GNB1: variants seen among roughly 807,000 people sequenced by gnomAD.
The protein encoded by GNB1 is guanine nucleotide-binding protein G(I)/G(S)/G(T) subunit beta-1.
GNB1 carries 2 observed loss-of-function variants against 42.9 expected under a neutral mutation model. The observed-to-expected ratio is 0.05, with a 90% CI of 0.02 to 0.15. GNB1 has a LOEUF of 0.15. Among genes scored for constraint, GNB1 ranks in the 10% least tolerant of loss-of-function variants. The probability of loss-of-function intolerance (pLI) is 1.00; values close to 1 mark genes in which losing one functional copy is unlikely to be tolerated. For missense variants in GNB1, 193 were observed against 462.2 expected, an observed-to-expected ratio of 0.42 and a Z score of 5.34; for synonymous variants, 183 against 174.7, an observed-to-expected ratio of 1.05 and a Z score of -0.38.
At position 1,823,938 on chromosome 1, in the gene GNB1, T is replaced by C. The variant is rs114872616; in HGVS notation, c.57+1459A>G. Among the ~76,000 whole-genome samples the C allele has an allele frequency of 8.4e-3, 1,275 of 152,294 alleles. 23 individuals are homozygous for C. Among genetic ancestry groups the C allele is most frequent in the African/African-American group, 0.029 (1,224 of 41,556 alleles). On this transcript the variant is annotated intron_variant, in intron 3 of 11. Coordinates refer to ENST00000378609, the MANE Select transcript of GNB1 (RefSeq NM_002074.5). ...GCAGTGCAGTGGTGCAATCACAGCT[T>C]ACTATACAGCCTCAACCTCCTGGGC...
chr1:1,881,053 G>A (rs1471212944), intron 1 of GNB1, among the ~76,000 whole-genome samples: 1 of 152,104 alleles, frequency 6.6e-6, no homozygotes, highest in Admixed American at 6.6e-5. Context: ...AGTTTTCCAA[G>A]GACAGGGAGG....
At chr1:1,855,971 C>A (rs1481244230) in intron 1 of GNB1, among the ~76,000 whole-genome samples, 2 of 152,238 alleles carry the variant, frequency 1.3e-5, no homozygotes, top group Non-Finnish European at 1.5e-5. Flanking sequence ...CCACTGTGTT[C>A]TCAGGACTCA....
Position 1,885,179 on chromosome 1 carries a change from G to C in GNB1, c.-96+5641C>G, listed in dbSNP as rs184442791. Among the ~76,000 whole-genome samples the C allele has an allele frequency of 1.9e-3, 289 of 151,636 alleles. 11 individuals are homozygous for C. The East Asian group carries it at 0.053, about 28-fold the overall frequency. ...TGTAATCCCAGCACTTTGGGAGGCG[G>C]AGGCGGGCGGATCACTTGAGGTCAG... is the stretch of plus-strand genomic sequence containing the variant. On this transcript the variant is annotated intron_variant, in intron 1 of 11. Coordinates refer to ENST00000378609, the MANE Select transcript of GNB1 (RefSeq NM_002074.5).
chr1:1,827,810 T>C (rs751852710), intron 2 of GNB1, among the ~76,000 whole-genome samples: 1 of 152,196 alleles, frequency 6.6e-6, no homozygotes, highest in Non-Finnish European at 1.5e-5. Context: ...TAGAGAATTG[T>C]TCTTAGTCTG....
chr1:1,836,073 G>C (rs1432270265), intron 2 of GNB1, among the ~76,000 whole-genome samples: 2 of 151,960 alleles, frequency 1.3e-5, no homozygotes, highest in African/African-American at 4.8e-5. Context: ...CTAAGAGACA[G>C]AGTGAGACCC....
intron 1 of GNB1, among the ~76,000 whole-genome samples, chr1:1,880,429 A>G (rs2101877449): frequency 6.6e-6 from 1 of 152,164 alleles, no homozygotes; most frequent in Admixed American, 6.5e-5. Flanking sequence ...TCTACTAAAA[A>G]TACAAAAAAT....
At chr1:1,843,738 T>C (rs1647454373) in intron 1 of GNB1, among the ~76,000 whole-genome samples, 1 of 152,094 alleles carries the variant, frequency 6.6e-6, no homozygotes, top group African/African-American at 2.4e-5. Context: ...GGACTACCAG[T>C]CCCACAATAA....
chr1:1,861,110 CAAAA>C (rs34626560), intron 1 of GNB1, among the ~76,000 whole-genome samples: 1 of 107,024 alleles, frequency 9.3e-6, no homozygotes. Context: ...CTCTGTCTCA[CAAAA>C]AAAAAAAAAA....
At chr1:1,862,922 T>A (rs958812563) in intron 1 of GNB1, among the ~76,000 whole-genome samples, 5 of 152,156 alleles carry the variant, frequency 3.3e-5, no homozygotes, top group African/African-American at 1.2e-4. Context: ...GCAGTGGTGC[T>A]GAAGTCCACA....
intron 1 of GNB1, among the ~76,000 whole-genome samples, chr1:1,840,990 C>T (rs1647225939): frequency 2.0e-5 from 3 of 152,244 alleles, no homozygotes; most frequent in South Asian, 4.1e-4. Context: ...CTCACTGGTT[C>T]GAGTGATTCT....
At chr1:1,803,041 C>T (rs556565468) in intron 7 of GNB1, among the ~76,000 whole-genome samples, 1 of 152,322 alleles carries the variant, frequency 6.6e-6, no homozygotes, top group African/African-American at 2.4e-5. Context: ...ATTTAACAGA[C>T]TGCTTAATGG....
At chr1:1,805,484 G>A (rs528471718) in intron 6 of GNB1, among the ~76,000 whole-genome samples, 1 of 152,002 alleles carries the variant, frequency 6.6e-6, no homozygotes, top group Non-Finnish European at 1.5e-5. Context: ...AAACCCACAC[G>A]TATTGGAAGG....
At chr1:1,866,535 C>G (rs1648950989) in intron 1 of GNB1, among the ~76,000 whole-genome samples, 1 of 152,020 alleles carries the variant, frequency 6.6e-6, no homozygotes, top group African/African-American at 2.4e-5. Flanking sequence ...CATTTAGATT[C>G]ATCCAGGGGT....
chr1:1,789,074 C>A lies in GNB1; in HGVS notation c.895G>T (p.Ala299Ser). 6.2e-7 allele frequency: 1 copy of A among 1,613,990 alleles called. No homozygotes were observed. Among genetic ancestry groups the A allele is most frequent in the Non-Finnish European group, 8.5e-7 (1 of 1,179,834 alleles). The change falls in exon 10 of 12, where the codon GCA (alanine) becomes TCA (serine). Residue 299 changes from alanine to serine, a missense_variant. Physicochemically the swap from Ala to Ser is moderately conservative, Grantham distance 99 (BLOSUM62 1). Transcript: ENST00000378609. ...YDDFNCNVWDALKADRAGVLA... is the reference protein window; with the variant it reads ...YDDFNCNVWDSLKADRAGVLA... ...GTACCTGCCCGGTCGGCTTTGAGTGCATCCCAGACGTTGCAGTTGAAGTCG... is the reference window on the plus strand; with the variant it reads ...GTACCTGCCCGGTCGGCTTTGAGTGAATCCCAGACGTTGCAGTTGAAGTCG...
chr1:1,888,453 C>G (rs568360486), intron 1 of GNB1, among the ~76,000 whole-genome samples: 2 of 152,150 alleles, frequency 1.3e-5, no homozygotes, highest in South Asian at 2.1e-4. Flanking sequence ...CGCCCAACAC[C>G]TGCAGTCCAG....
intron 1 of GNB1, among the ~76,000 whole-genome samples, chr1:1,881,868 AAGG>A (rs1649867705): frequency 6.6e-6 from 1 of 152,200 alleles, no homozygotes. Flanking sequence ...GGAGACAGTG[AAGG>A]AGACCAGTTG....
chr1:1,807,373 A>G (rs1023064347), intron 5 of GNB1, among the ~76,000 whole-genome samples: 13 of 149,122 alleles, frequency 8.7e-5, no homozygotes, highest in African/African-American at 3.2e-4. Context: ...CTGAGGTGGG[A>G]AAACTGCTTG....
chr1:1,821,754 G>A (rs1646932859), intron 3 of GNB1, among the ~76,000 whole-genome samples: 1 of 152,218 alleles, frequency 6.6e-6, no homozygotes, highest in South Asian at 2.1e-4. Flanking sequence ...GGAACCAGGA[G>A]ACTTGGGACA....
At chr1:1,803,938 C>G (rs770765049) in intron 7 of GNB1, among the ~76,000 whole-genome samples, 1 of 131,484 alleles carries the variant, frequency 7.6e-6, no homozygotes, top group South Asian at 2.5e-4. Context: ...GCCAAGAATG[C>G]GCTGCTGCAC....
Sources: allele counts gnomAD v4.1 joint callset (sites outside exome capture counted in the v4.1 genomes callset), GRCh38; gene constraint gnomAD v4.1.1; transcripts MANE v1.5; gene names NCBI Gene and HGNC (gene_info 2026-07-23, HGNC 2026-07-21).